The following GTF2E1 variants were observed in gnomAD, a reference collection of about 807,000 sequenced individuals.
GTF2E1 encodes general transcription factor IIE subunit 1, also known as TFIIE alpha subunit.
GTF2E1 carries 14 observed loss-of-function variants against 34.9 expected under a neutral mutation model. The observed-to-expected ratio is 0.40, with a 90% confidence interval of 0.27 to 0.63. The LOEUF (loss-of-function observed/expected upper bound fraction) is 0.63. Ranked by LOEUF, GTF2E1 falls within the 20% of genes least tolerant of loss-of-function variation. The pLI is 0.39. For synonymous variants in GTF2E1, 188 were observed against 192.9 expected (o/e 0.97, Z 0.21); for missense variants, 469 against 557.7 (o/e 0.84, Z 1.60).
chr3:120,759,919 C>G (rs1418186127), intron 2 of GTF2E1, among the ~76,000 whole-genome samples: 3 of 152,128 alleles, frequency 2.0e-5, no homozygotes, highest in African/African-American at 7.2e-5. Context: ...CTTGGCTATA[C>G]AGGCTGTTTT....
chr3:120,774,703 T>A (rs1362754122), intron 3 of GTF2E1, among the ~76,000 whole-genome samples: 2 of 146,564 alleles, frequency 1.4e-5, no homozygotes, highest in Admixed American at 1.4e-4. Flanking sequence ...AGACTTAGAG[T>A]GGAGAGCAAA....
At chr3:120,766,755 T>TGG (rs1351178203) in intron 2 of GTF2E1, among the ~76,000 whole-genome samples, 1 of 152,144 alleles carries the variant, frequency 6.6e-6, no homozygotes, top group Non-Finnish European at 1.5e-5. Context: ...CCAGACATCT[T>TGG]TCTTCCCTAC....
chr3:120,756,466 G>T (rs1429122796), intron 2 of GTF2E1, among the ~76,000 whole-genome samples: 1 of 145,294 alleles, frequency 6.9e-6, no homozygotes, highest in East Asian at 2.2e-4. Flanking sequence ...AGTGGGGGGA[G>T]TAAGGGGGGG....
chr3:120,745,617 A>G (rs763631425), intron 1 of GTF2E1, among the ~76,000 whole-genome samples: 5 of 152,246 alleles, frequency 3.3e-5, no homozygotes, highest in East Asian at 3.9e-4. Context: ...CTTGAGAACT[A>G]TTAGTCTGGG....
chr3:120,766,472 C>A (rs1416600091), intron 2 of GTF2E1, among the ~76,000 whole-genome samples: 1 of 152,054 alleles, frequency 6.6e-6, no homozygotes, highest in Non-Finnish European at 1.5e-5. Flanking sequence ...TGTTTTTTAT[C>A]ATTCTTTTTG....
chr3:120,779,954 G>A (rs1709432788), intron 4 of GTF2E1, among the ~76,000 whole-genome samples: 2 of 152,306 alleles, frequency 1.3e-5, no homozygotes, highest in Middle Eastern at 3.4e-3. Context: ...AATGCAGAAT[G>A]CAGATGGTTT....
chr3:120,767,458 T>C (rs1374850845), intron 2 of GTF2E1, among the ~76,000 whole-genome samples: 1 of 152,164 alleles, frequency 6.6e-6, no homozygotes, highest in Non-Finnish European at 1.5e-5. Context: ...TATAAAATAT[T>C]TGAGTTCCTT....
Position 120,750,565 on chromosome 3 carries a change from G to T in GTF2E1, c.13G>T (p.Asp5Tyr). The change falls in exon 2 of 5, where the codon GAT (aspartate) becomes TAT (tyrosine). Residue 5 changes from aspartate (D) to tyrosine (Y), a missense_variant. Physicochemically the swap from Asp to Tyr is radical, Grantham distance 160. Transcript: ENST00000283875. MADP[D>Y]VLTEVPAALK... is the part of the protein sequence containing the mutation. ...TTCGTTGCTAAAGATGGCAGACCCA[G>T]ATGTCCTCACTGAAGTTCCAGCAGC... 6.2e-7 allele frequency: 1 copy of T among 1,610,378 alleles called. No individual in the cohort carries two copies. Among genetic ancestry groups the T allele is most frequent in the Non-Finnish European group, 8.5e-7 (1 of 1,176,752 alleles).
chr3:120,765,671 G>A (rs1302896314), intron 2 of GTF2E1, among the ~76,000 whole-genome samples: 1 of 152,186 alleles, frequency 6.6e-6, no homozygotes, highest in Admixed American at 6.5e-5. Context: ...CGCCTCTTAA[G>A]CGTTCATTTC....
intron 3 of GTF2E1, 58 bp downstream of exon 3, chr3:120,770,987 C>G (rs1458599385): frequency 7.4e-7 from 1 of 1,353,206 alleles, no homozygotes; most frequent in African/African-American, 1.4e-5. Flanking sequence ...CTTGTTTTAA[C>G]TACCTGTACC....
Position 120,776,723 on chromosome 3 carries a change from C to T in GTF2E1, c.892+59C>T, listed in dbSNP as rs1480903542. On this transcript the variant is annotated intron_variant, in intron 4 of 4. Transcript: ENST00000283875. ...TAGGTTCTGTAGAACATGAACTTGG[C>T]TTAGTGGGAAACTGCCTGGGCAATT... 3.3e-6 allele frequency: 5 copies of T among 1,497,584 alleles called. No individual in the cohort carries two copies. In the African/African-American group the frequency reaches 5.5e-5, roughly 17 times the overall value. The allele number at this position is 1,497,584 out of a possible 1,614,324, so 92.8% of individuals were successfully genotyped here.
At chr3:120,745,304 CTG>C (rs1312719078) in intron 1 of GTF2E1, among the ~76,000 whole-genome samples, 1 of 152,166 alleles carries the variant, frequency 6.6e-6, no homozygotes. Flanking sequence ...AACCCCAAAA[CTG>C]TTGGATTGTA....
intron 2 of GTF2E1, among the ~76,000 whole-genome samples, chr3:120,769,264 T>C (rs1709332872): frequency 6.6e-6 from 1 of 152,118 alleles, no homozygotes. Flanking sequence ...TCCAGTTGAT[T>C]AAGTTATAAT....
At chr3:120,757,622 G>T (rs901949093) in intron 2 of GTF2E1, among the ~76,000 whole-genome samples, 4 of 152,120 alleles carry the variant, frequency 2.6e-5, no homozygotes, top group African/African-American at 9.7e-5. Context: ...TTAAACTGAA[G>T]AAATTTGCTT....
intron 2 of GTF2E1, among the ~76,000 whole-genome samples, chr3:120,769,028 G>A (rs532008022): frequency 1.3e-5 from 2 of 151,820 alleles, no homozygotes; most frequent in East Asian, 1.9e-4. Context: ...TAATCTCTTC[G>A]GATGCTTCTA....
intron 2 of GTF2E1, among the ~76,000 whole-genome samples, chr3:120,752,150 C>T (rs1709169440): frequency 6.6e-6 from 1 of 152,136 alleles, no homozygotes; most frequent in Non-Finnish European, 1.5e-5. Context: ...TTAAGGAATT[C>T]ACAATTGTAT....
At chr3:120,761,386 A>G (rs980293311) in intron 2 of GTF2E1, among the ~76,000 whole-genome samples, 7 of 152,018 alleles carry the variant, frequency 4.6e-5, no homozygotes, top group Admixed American at 2.0e-4. Context: ...GGATTCATTG[A>G]TTTTTTGGAA....
At chr3:120,769,674 C>T (rs994648367) in intron 2 of GTF2E1, among the ~76,000 whole-genome samples, 1 of 152,116 alleles carries the variant, frequency 6.6e-6, no homozygotes, top group Non-Finnish European at 1.5e-5. Flanking sequence ...GACGCAATTC[C>T]ACAGTGGCTT....
At chr3:120,742,865 T>C (rs906186245) in intron 1 of GTF2E1, 71 bp downstream of exon 1, 5 of 333,970 alleles carry the variant, frequency 1.5e-5, no homozygotes, top group African/African-American at 1.1e-4. Flanking sequence ...TTCTTCTTCC[T>C]TTCGCTCCCT....
Sources: allele counts gnomAD v4.1 joint callset (sites outside exome capture counted in the v4.1 genomes callset), GRCh38; gene constraint gnomAD v4.1.1; transcripts MANE v1.5; gene names NCBI Gene and HGNC (gene_info 2026-07-23, HGNC 2026-07-21).